Variants in C2CD3 observed in about 807,000 individuals in gnomAD.
C2CD3 encodes the protein C2 domain containing 3 centriole elongation regulator, also known as C2 domain-containing protein 3.
In C2CD3, 148 loss-of-function variants were observed where a neutral mutation model predicts 234.0. The observed-to-expected ratio is 0.63, with a 90% CI of 0.55 to 0.72. C2CD3 has a LOEUF of 0.72. C2CD3 is among the 30% of genes least tolerant of loss of function. The pLI is 0.00. For synonymous variants in C2CD3, 1,000 were observed against 1,035.4 expected, an observed-to-expected ratio of 0.97 and a Z score of 0.66; for missense variants, 2,577 against 2,811.5, an observed-to-expected ratio of 0.92 and a Z score of 1.89.
intron 21 of C2CD3, 153 bp downstream of exon 21, chr11:74,085,465 A>G (rs1333746075): frequency 2.8e-6 from 2 of 714,748 alleles, no homozygotes; most frequent in African/African-American, 3.6e-5. Context: ...CTTAGTACAT[A>G]TCCTTATTTT....
At chr11:74,163,597 C>T (rs1479185133) in intron 2 of C2CD3, among the ~76,000 whole-genome samples, 1 of 152,194 alleles carries the variant, frequency 6.6e-6, no homozygotes, top group African/African-American at 2.4e-5. Flanking sequence ...GCTGGGCACT[C>T]ATTTTTCTCT....
intron 7 of C2CD3, among the ~76,000 whole-genome samples, chr11:74,125,860 C>T (rs1268639719): frequency 6.6e-6 from 1 of 152,152 alleles, no homozygotes; most frequent in African/African-American, 2.4e-5. Context: ...CCATTCCCCT[C>T]CACCTCTGCA....
At chr11:74,049,646 G>A in intron 26 of C2CD3, 104 bp from the exon 27 acceptor site, 1 of 849,930 alleles carries the variant, frequency 1.2e-6, no homozygotes, top group Non-Finnish European at 1.9e-6. Context: ...GAGGAATTTA[G>A]TGATCCCAAA....
chr11:74,120,698 G>C (rs1957182606), intron 8 of C2CD3, among the ~76,000 whole-genome samples: 1 of 152,182 alleles, frequency 6.6e-6, no homozygotes, highest in Non-Finnish European at 1.5e-5. Flanking sequence ...TTGAGGAATT[G>C]CCACATTGCC....
At chr11:74,157,441 C>A (rs1468284883) in intron 3 of C2CD3, among the ~76,000 whole-genome samples, 1 of 152,082 alleles carries the variant, frequency 6.6e-6, no homozygotes, top group East Asian at 1.9e-4. Context: ...TCACTTCACC[C>A]TTAAGTCATC....
intron 29 of C2CD3, 75 bp from the exon 30 acceptor site, chr11:74,037,773 C>T: frequency 1.7e-6 from 2 of 1,154,482 alleles, no homozygotes; most frequent in Non-Finnish European, 1.3e-6. Flanking sequence ...GTCCCCTGGA[C>T]ACTACCGCTT....
At chr11:74,032,695 G>A (rs1466808487) in intron 31 of C2CD3, among the ~76,000 whole-genome samples, 8 of 151,990 alleles carry the variant, frequency 5.3e-5, no homozygotes, top group Admixed American at 5.2e-4. Flanking sequence ...GACACAGCAA[G>A]ACCCCAACTC....
chr11:74,104,964 G>A (rs1190637287), intron 13 of C2CD3, among the ~76,000 whole-genome samples: 1 of 152,170 alleles, frequency 6.6e-6, no homozygotes, highest in Non-Finnish European at 1.5e-5. Flanking sequence ...TGGATAGCAA[G>A]AGTAGGTGAT....
chr11:74,170,595 T>C (rs889987950), intron 1 of C2CD3, 143 bp downstream of exon 1: 3 of 943,040 alleles, frequency 3.2e-6, no homozygotes, highest in Non-Finnish European at 4.8e-6. Flanking sequence ...CCAATTGCCC[T>C]TCCTTTTAAC....
intron 32 of C2CD3, among the ~76,000 whole-genome samples, chr11:74,016,330 T>C (rs1335621587): frequency 6.6e-6 from 1 of 152,140 alleles, no homozygotes; most frequent in Non-Finnish European, 1.5e-5. Context: ...GGCTCCAAGA[T>C]GGGCAAGGTC....
rs774500835 is a variant in C2CD3 at position 74,084,867 on chromosome 11, T to C, written c.4000+14A>G. 61 of 1,523,876 alleles carry C rather than the reference T, an allele frequency of 4.0e-5. No homozygotes were observed. Among genetic ancestry groups the C allele is most frequent in the Non-Finnish European group, 5.6e-5 (61 of 1,098,148 alleles). The allele number at this position is 1,523,876 out of a possible 1,614,324, so 94.4% of individuals were successfully genotyped here. The stretch of plus-strand genomic sequence containing the variant: ...AAAGGGTGGCATCAGAAAGTGATAA[T>C]CCAGGATCCTTACCAGATCTCTTGA... On this transcript the variant is annotated intron_variant, in intron 22 of 32. Coordinates refer to ENST00000334126, the MANE Select transcript of C2CD3 (RefSeq NM_001286577.2).
At chr11:74,159,969 T>C (rs1361077174) in intron 3 of C2CD3, among the ~76,000 whole-genome samples, 1 of 152,234 alleles carries the variant, frequency 6.6e-6, no homozygotes, top group African/African-American at 2.4e-5. Flanking sequence ...TTTTATACTG[T>C]TATTTTTATG....
At chr11:74,071,074 AC>A (rs1954768262) in intron 24 of C2CD3, among the ~76,000 whole-genome samples, 3 of 152,252 alleles carry the variant, frequency 2.0e-5, no homozygotes, top group African/African-American at 4.8e-5. Flanking sequence ...ATTCCTCTGT[AC>A]TAAAAATGTT....
chr11:74,143,421 T>C (rs921598083), intron 3 of C2CD3, among the ~76,000 whole-genome samples: 2 of 151,680 alleles, frequency 1.3e-5, no homozygotes, highest in South Asian at 2.1e-4. Flanking sequence ...GGTGTGATCA[T>C]AACTCACTGT....
rs200777720 is a variant in C2CD3, at chr11:74,096,533, T to C, written c.2980-1125A>G. Among the ~76,000 whole-genome samples the C allele has an allele frequency of 2.7e-4, 41 of 152,278 alleles. No homozygotes were observed. The East Asian group carries it at 6.6e-3, about 24-fold the overall frequency. On this transcript the variant is annotated intron_variant, in intron 16 of 32. Coordinates refer to ENST00000334126, the MANE Select transcript of C2CD3 (RefSeq NM_001286577.2). ...ACAACAGCTACTTAATTTGGCCTTA[T>C]AGTATCACAGCAATTTGATATTCAG...
At chr11:74,139,571 T>C in intron 4 of C2CD3, 34 bp downstream of exon 4, 1 of 1,387,302 alleles carries the variant, frequency 7.2e-7, no homozygotes, top group Non-Finnish European at 1.0e-6. Context: ...TGCAGTTAAC[T>C]GACAGATTGA....
intron 29 of C2CD3, 67 bp downstream of exon 29, chr11:74,041,987 A>G: frequency 6.6e-7 from 1 of 1,517,544 alleles, no homozygotes; most frequent in East Asian, 2.3e-5. Context: ...AGTAATGCAC[A>G]TTGCCATTTC....
chr11:74,068,207 C>T (rs2135453452), intron 24 of C2CD3, among the ~76,000 whole-genome samples: 1 of 152,236 alleles, frequency 6.6e-6, no homozygotes. Flanking sequence ...GTTCCATTTC[C>T]TCTGCCTGAT....
chr11:74,076,548 G>T (rs957518217), intron 23 of C2CD3, among the ~76,000 whole-genome samples: 1 of 152,184 alleles, frequency 6.6e-6, no homozygotes, highest in African/African-American at 2.4e-5. Flanking sequence ...CATTGTGCTA[G>T]TTTTCCATAA....
Sources: allele counts gnomAD v4.1 joint callset (sites outside exome capture counted in the v4.1 genomes callset), GRCh38; gene constraint gnomAD v4.1.1; transcripts MANE v1.5; gene names NCBI Gene and HGNC (gene_info 2026-07-23, HGNC 2026-07-21).